The following RADIL variants were observed in gnomAD, a reference collection of about 807,000 sequenced individuals.
RADIL encodes the protein ras-associating and dilute domain-containing protein.
RADIL carries 99 observed loss-of-function variants against 97.6 expected under a neutral mutation model. That is an observed-to-expected ratio of 1.01 (90% CI 0.86 to 1.20). The LOEUF (loss-of-function observed/expected upper bound fraction) is 1.20, where lower values mean the gene tolerates loss of function less well. Ranked by LOEUF, RADIL falls within the 50% of genes most tolerant of loss-of-function variation. RADIL has a pLI of 0.00. For synonymous variants in RADIL, 803 were observed against 691.8 expected (o/e 1.16, Z -2.52); for missense variants, 1,765 against 1,498.9 (o/e 1.18, Z -2.93).
In RADIL at chr7:4,805,698, G is replaced by T. The variant is rs369863650; in HGVS notation, c.2158C>A (p.Arg720=). The T allele has an allele frequency of 1.2e-6, 2 of 1,610,358 alleles. No individual in the cohort carries two copies. Among genetic ancestry groups the T allele is most frequent in the Non-Finnish European group, 1.7e-6 (2 of 1,179,282 alleles). Residue 720 remains arginine (R), a synonymous_variant, in exon 10 of 15, where the codon CGG becomes AGG. Coordinates refer to ENST00000399583, the MANE Select transcript of RADIL (RefSeq NM_018059.5). ...GGGCTCAGTGCGGGGAACGCAGCCCGCAGGGCTGTCCAGCTCATCTGGGTG... is the reference window on the plus strand; with the variant it reads ...GGGCTCAGTGCGGGGAACGCAGCCCTCAGGGCTGTCCAGCTCATCTGGGTG... ...QLIQMSWTAL[R]AAFPALSPAQ... is the part of the protein sequence containing the mutation.
chr7:4,816,473 G>A lies in RADIL; in HGVS notation c.1729-8C>T, dbSNP rs1430831685. ...GAGGCAGATGTACAGGGACTGGCGGGGGCAAGAGGAGAACAGCAACCAGCA... is the reference window on the plus strand; with the variant it reads ...GAGGCAGATGTACAGGGACTGGCGGAGGCAAGAGGAGAACAGCAACCAGCA... On this transcript the variant is annotated splice_region_variant and splice_polypyrimidine_tract_variant and intron_variant, in intron 7 of 14. Transcript: ENST00000399583. 6.3e-7 allele frequency: 1 copy of A among 1,596,184 alleles called. No individual in the cohort carries two copies.
intron 2 of RADIL, among the ~76,000 whole-genome samples, chr7:4,852,638 G>C (rs1040626249): frequency 2.0e-5 from 3 of 152,138 alleles, no homozygotes; most frequent in African/African-American, 7.2e-5. Context: ...TGTAGAGATG[G>C]GGGTCTTGCT....
Position 4,803,550 on chromosome 7 carries a change from G to T in RADIL, c.2495C>A (p.Pro832His). The T allele has an allele frequency of 6.5e-7, 1 of 1,540,442 alleles. No homozygotes were observed. Among genetic ancestry groups the T allele is most frequent in the Non-Finnish European group, 8.8e-7 (1 of 1,140,862 alleles). Residue 832 changes from proline to histidine, a missense_variant, in exon 11 of 15, where the codon CCC (proline) becomes CAC (histidine). Physicochemically the swap from Pro to His is moderately conservative, Grantham distance 77. Coordinates refer to ENST00000399583, the MANE Select transcript of RADIL (RefSeq NM_018059.5). Reference sequence around the variant, plus strand: ...GGGGGCCCCCTCCCCGGGTACCTCGGGGCACACTGGCTGGGAGGCCCCACT... The same window carrying T: ...GGGGGCCCCCTCCCCGGGTACCTCGTGGCACACTGGCTGGGAGGCCCCACT... Reference protein sequence around the residue: ...PGSGASQPVCPEGMHHVVLDG... With the variant: ...PGSGASQPVCHEGMHHVVLDG...
rs139591974 is a variant in RADIL, at chr7:4,865,362, GT to G, written c.535+12242del. 2.7e-3 allele frequency: 1,553 copies of G among 576,808 alleles called. 11 individuals are homozygous for G. The highest frequency in any genetic ancestry group is 0.025 in the African/African-American group (1,342 of 52,642). 35.7% of individuals were successfully genotyped at this position (576,808 alleles called of 1,614,324 possible). ...ATTTTTACTGTTTCTTTTCTGTGTG[GT>G]TTTTTTTTGTTGTTGTTCCCAAGTT... On this transcript the variant is annotated intron_variant, in intron 2 of 14. Transcript: ENST00000399583.
Position 4,816,262 on chromosome 7 carries a change from G to A in RADIL, c.1932C>T (p.Ser644=), listed in dbSNP as rs775702321. Residue 644 remains serine (S), a synonymous_variant, in exon 8 of 15, where the codon TCC becomes TCT. Coordinates refer to ENST00000399583, the MANE Select transcript of RADIL (RefSeq NM_018059.5). ...GGAGCTGGTTGAGAAGCAGTGTCCC[G>A]GAGAAGAAGAAGAGGTAGGCGAGCA... ...SQMLAYLFFF[S]GTLLLNQLLD... The A allele has an allele frequency of 7.4e-6, 12 of 1,612,614 alleles. No individual in the cohort carries two copies. The highest frequency in any genetic ancestry group is 6.7e-5 in the Admixed American group (4 of 60,006).
Position 4,854,483 on chromosome 7 carries a change from C to G in RADIL, c.536-17878G>C, listed in dbSNP as rs1437097435. On this transcript the variant is annotated intron_variant, in intron 2 of 14. Coordinates refer to ENST00000399583, the MANE Select transcript of RADIL (RefSeq NM_018059.5). The surrounding 1 kb of genome is among the most constrained non-coding windows in gnomAD (Gnocchi z 5.1). ...CCGAGGCAGGCAGATCACCTGAGGT[C>G]AGGAGTTCAAGACCAGCCTGGCCAA... 6.6e-6 allele frequency among the ~76,000 whole-genome samples: 1 copy of G among 152,168 alleles called. No individual in the cohort carries two copies. Among genetic ancestry groups the G allele is most frequent in the East Asian group, 1.9e-4 (1 of 5,190 alleles).
rs1784425757 is a variant in RADIL at position 4,878,839 on chromosome 7, A to C, written c.-64-636T>G. Among the ~76,000 whole-genome samples the C allele has an allele frequency of 6.6e-6, 1 of 152,218 alleles. No homozygotes were observed. The highest frequency in any genetic ancestry group is 1.5e-5 in the Non-Finnish European group (1 of 68,038). On this transcript the variant is annotated intron_variant, in intron 1 of 14. Transcript: ENST00000399583. The surrounding 1 kb of genome is among the most constrained non-coding windows in gnomAD (Gnocchi z 4.1). ...CCCAGCACCATCACAGCCACAGAAGAGCAGCGGGCAGCCCAAGGGCAAAGC... is the reference window on the plus strand; with the variant it reads ...CCCAGCACCATCACAGCCACAGAAGCGCAGCGGGCAGCCCAAGGGCAAAGC...
Position 4,799,773 on chromosome 7 carries a change from G to C in RADIL, c.2983-4C>G. 6.6e-7 allele frequency: 1 copy of C among 1,520,168 alleles called. No individual in the cohort carries two copies. The allele number at this position is 1,520,168 out of a possible 1,614,324, so 94.2% of individuals were successfully genotyped here. A position where few individuals can be genotyped will look rare whatever the true frequency, so the allele number is the denominator to read the frequency against. ...CGGGGGCGCCCAGGTGCGTGTGCTG[G>C]GGACAAGCAGAGGCCTCAGAGCTCC... On this transcript the variant is annotated splice_region_variant and splice_polypyrimidine_tract_variant and intron_variant, in intron 13 of 14. Transcript: ENST00000399583.
At chr7:4,830,573 C>T (rs1382963299) in intron 5 of RADIL, among the ~76,000 whole-genome samples, 1 of 152,104 alleles carries the variant, frequency 6.6e-6, no homozygotes, top group Non-Finnish European at 1.5e-5. Flanking sequence ...GGGCCTCGTG[C>T]AGCCATAAAA....
chr7:4,871,454 C>G (rs980071208), intron 2 of RADIL, among the ~76,000 whole-genome samples: 1 of 152,218 alleles, frequency 6.6e-6, no homozygotes, highest in Non-Finnish European at 1.5e-5. Flanking sequence ...TCGGGGAGGC[C>G]GAGTCCTGCT....
chr7:4,868,659 A>C, intron 2 of RADIL, among the ~76,000 whole-genome samples: 1 of 152,164 alleles, frequency 6.6e-6, no homozygotes, highest in Non-Finnish European at 1.5e-5. Context: ...GACATGCATT[A>C]CTTTATTCTA....
Position 4,837,119 on chromosome 7 carries a change from C to T in RADIL, c.536-514G>A, listed in dbSNP as rs928078892. On this transcript the variant is annotated intron_variant, in intron 2 of 14. Transcript: ENST00000399583. The surrounding 1 kb of genome is among the most constrained non-coding windows in gnomAD (Gnocchi z 5.6). Reference sequence around the variant, plus strand: ...AAACCAGACAGTGCCTTGGCACCACCGTGGCACCCACAGAACAGTCTCAGA... The same window carrying T: ...AAACCAGACAGTGCCTTGGCACCACTGTGGCACCCACAGAACAGTCTCAGA... Among the ~76,000 whole-genome samples the T allele has an allele frequency of 6.6e-5, 10 of 152,212 alleles. No individual in the cohort carries two copies. Among genetic ancestry groups the T allele is most frequent in the South Asian group, 4.1e-4 (2 of 4,836 alleles).
intron 2 of RADIL, among the ~76,000 whole-genome samples, chr7:4,871,339 G>A (rs1470988967): frequency 2.0e-5 from 3 of 152,234 alleles, no homozygotes; most frequent in Non-Finnish European, 2.9e-5. Context: ...AGAGGTTTGC[G>A]GACAAGGGAG....
chr7:4,868,391 T>C (rs956540186), intron 2 of RADIL, among the ~76,000 whole-genome samples: 6 of 152,212 alleles, frequency 3.9e-5, no homozygotes, highest in African/African-American at 7.2e-5. Flanking sequence ...ATAACATATA[T>C]GTGTACGGGT....
At chr7:4,827,763 G>A (rs867199637) in intron 5 of RADIL, among the ~76,000 whole-genome samples, 6 of 152,316 alleles carry the variant, frequency 3.9e-5, no homozygotes, top group East Asian at 1.9e-4. Flanking sequence ...ACTCTGGCCC[G>A]GATGTTCTTC....
At position 4,799,652 on chromosome 7, in the gene RADIL, G is replaced by T; in HGVS notation, c.3100C>A (p.Leu1034Ile). Residue 1034 changes from leucine (L) to isoleucine (I), a missense_variant, in exon 14 of 15, where the codon CTC becomes ATC. Physicochemically the swap from Leu to Ile is conservative, Grantham distance 5. Coordinates refer to ENST00000399583, the MANE Select transcript of RADIL (RefSeq NM_018059.5). ...DRILEVNGSS[L>I]LGLGYLRAVD... Reference sequence around the variant, plus strand: ...TACCTCAGGTAGCCAAGGCCCAGGAGGCTGCTGCCATTCACCTCCAGGATA... The same window carrying T: ...TACCTCAGGTAGCCAAGGCCCAGGATGCTGCTGCCATTCACCTCCAGGATA... 2 of 1,602,200 alleles carry T rather than the reference G, an allele frequency of 1.2e-6. No homozygotes were observed. Among genetic ancestry groups the T allele is most frequent in the South Asian group, 1.1e-5 (1 of 89,526 alleles).
In RADIL at chr7:4,835,604, G is replaced by GCCTGTGTGGGAGCACTA. The variant is rs1562443554; in HGVS notation, c.784-366_784-365insTAGTGCTCCCACACAGG. Among the ~76,000 whole-genome samples, 16 of 151,866 alleles carry GCCTGTGTGGGAGCACTA rather than the reference G, an allele frequency of 1.1e-4. No individual in the cohort carries two copies. Among genetic ancestry groups the GCCTGTGTGGGAGCACTA allele is most frequent in the African/African-American group, 3.9e-4 (16 of 41,408 alleles). On this transcript the variant is annotated intron_variant, in intron 3 of 14. Coordinates refer to ENST00000399583, the MANE Select transcript of RADIL (RefSeq NM_018059.5). This position sits in a 1 kb window ranked among gnomAD's most constrained non-coding sequence, Gnocchi z 5.8. Reference sequence around the variant, plus strand: ...ATCCCCAAAACTGTGTGGGAGCACTGCCGCCTGTGTGGGAGCACCACCCCC... The same window carrying GCCTGTGTGGGAGCACTA: ...ATCCCCAAAACTGTGTGGGAGCACTGCCTGTGTGGGAGCACTACCGCCTGTGTGGGAGCACCACCCCC...
rs1357145873 is a variant in RADIL at position 4,813,497 on chromosome 7, A to G, written c.2139+1781T>C. ...GCCGGCCATGCAATTCAGGCCCCTG[A>G]AGTCTCTGAGCTTGCCTCCCTCCTG... On this transcript the variant is annotated intron_variant, in intron 9 of 14. Coordinates refer to ENST00000399583, the MANE Select transcript of RADIL (RefSeq NM_018059.5). The surrounding 1 kb of genome is among the most constrained non-coding windows in gnomAD (Gnocchi z 5.0). 6.6e-6 allele frequency among the ~76,000 whole-genome samples: 1 copy of G among 152,164 alleles called. No individual in the cohort carries two copies. The highest frequency in any genetic ancestry group is 1.5e-5 in the Non-Finnish European group (1 of 68,018).
chr7:4,800,405 A>AGGGAT (rs781646522), intron 12 of RADIL, 95 bp from the exon 13 acceptor site: 193 of 1,294,530 alleles, frequency 1.5e-4, no homozygotes, highest in Non-Finnish European at 1.9e-4. Flanking sequence ...GTAGGGCGTC[A>AGGGAT]GGGATGGGAT....
Sources: gnomAD v4.1 joint callset for allele counts (sites outside exome capture counted in the v4.1 genomes callset) on GRCh38, gnomAD v4.1.1 for gene constraint, Gnocchi (gnomAD v3.1) non-coding constraint, MANE v1.5 for transcripts, NCBI Gene and HGNC (gene_info 2026-07-23, HGNC 2026-07-21) for gene names.